Variants in ERC2 observed in about 807,000 individuals in gnomAD.
ERC2 encodes ELKS/RAB6-interacting/CAST family member 2.
Under a neutral mutation model 114.8 loss-of-function variants are expected in ERC2, and 42 were observed. The observed-to-expected ratio is 0.37, with a 90% CI of 0.29 to 0.47. The LOEUF is 0.47. ERC2 is among the 20% of genes least tolerant of loss of function. ERC2 has a pLI of 0.99. For missense variants in ERC2, 939 were observed against 1,150.7 expected (o/e 0.82, Z 2.66); for synonymous variants, 454 against 425.5 (o/e 1.07, Z -0.82).
chr3:55,691,769 G>A (rs2062683255), intron 16 of ERC2, among the ~76,000 whole-genome samples: 1 of 151,538 alleles, frequency 6.6e-6, no homozygotes, highest in African/African-American at 2.4e-5. Flanking sequence ...GATATACGGT[G>A]TTAATTTTTC....
intron 6 of ERC2, among the ~76,000 whole-genome samples, chr3:56,091,535 C>T (rs890696227): frequency 1.3e-5 from 2 of 152,174 alleles, no homozygotes; most frequent in African/African-American, 4.8e-5. Flanking sequence ...GTCTGATCTA[C>T]ATGTGGATGG....
intron 17 of ERC2, among the ~76,000 whole-genome samples, chr3:55,546,793 G>C (rs2054784479): frequency 6.6e-6 from 1 of 152,186 alleles, no homozygotes; most frequent in South Asian, 2.1e-4. Context: ...CCAGAGAGCT[G>C]TCTCCTCCCC....
chr3:56,222,251 T>C (rs547886531), intron 3 of ERC2, among the ~76,000 whole-genome samples: 12 of 152,332 alleles, frequency 7.9e-5, no homozygotes, highest in African/African-American at 2.9e-4. Context: ...ATTAAAGTTA[T>C]AGATTATATC....
At chr3:55,768,345 G>A (rs550001534) in intron 14 of ERC2, among the ~76,000 whole-genome samples, 54 of 152,252 alleles carry the variant, frequency 3.5e-4, no homozygotes, top group East Asian at 5.8e-4. Context: ...CACATCCATC[G>A]CTCATTCTTC....
chr3:55,653,186 T>C (rs772221912), intron 17 of ERC2, among the ~76,000 whole-genome samples: 146 of 142,842 alleles, frequency 1.0e-3, no homozygotes, highest in Admixed American at 4.2e-3. Flanking sequence ...CCAATATCTC[T>C]CTTGAATTTC....
chr3:56,163,975 T>C (rs957845722), intron 4 of ERC2, among the ~76,000 whole-genome samples: 1 of 152,216 alleles, frequency 6.6e-6, no homozygotes, highest in Admixed American at 6.5e-5. Flanking sequence ...GGCTAAGTAC[T>C]AAGTGTGTTT....
intron 17 of ERC2, among the ~76,000 whole-genome samples, chr3:55,546,588 A>C (rs1192369751): frequency 6.6e-6 from 1 of 152,238 alleles, no homozygotes. Context: ...CAGGCACTAG[A>C]AGCTGTTCAA....
At chr3:55,733,005 T>C (rs1358086785) in intron 15 of ERC2, among the ~76,000 whole-genome samples, 3 of 152,124 alleles carry the variant, frequency 2.0e-5, no homozygotes, top group Admixed American at 6.5e-5. Flanking sequence ...CTTTGGATCA[T>C]GTATGCATCG....
At chr3:55,605,920 T>A (rs1420523384) in intron 17 of ERC2, among the ~76,000 whole-genome samples, 1 of 152,180 alleles carries the variant, frequency 6.6e-6, no homozygotes, top group Non-Finnish European at 1.5e-5. Flanking sequence ...GTACTTATTA[T>A]GCCAAAGCAA....
chr3:55,618,307 G>A (rs2059201874), intron 17 of ERC2, among the ~76,000 whole-genome samples: 1 of 152,118 alleles, frequency 6.6e-6, no homozygotes, highest in African/African-American at 2.4e-5. Context: ...GGGTGAATGG[G>A]CATCACCTCT....
At chr3:56,334,625 T>A (rs2057771234) in intron 2 of ERC2, among the ~76,000 whole-genome samples, 1 of 152,182 alleles carries the variant, frequency 6.6e-6, no homozygotes, top group Non-Finnish European at 1.5e-5. Flanking sequence ...ACTGCTTTGT[T>A]TCCAACAGAC....
intron 7 of ERC2, among the ~76,000 whole-genome samples, chr3:56,075,499 C>A (rs191811223): frequency 6.6e-6 from 1 of 152,280 alleles, no homozygotes; most frequent in Non-Finnish European, 1.5e-5. Flanking sequence ...AAAAAATTCC[C>A]TTTTGCTTAA....
In ERC2 at chr3:55,508,859, G is replaced by A. The variant is rs1216181339; in HGVS notation, c.*2457C>T. 1 of 152,520 alleles carries A rather than the reference G, an allele frequency of 6.6e-6. No homozygotes were observed. Among genetic ancestry groups the A allele is most frequent in the Non-Finnish European group, 1.5e-5 (1 of 68,010 alleles). 9.4% of individuals were successfully genotyped at this position (152,520 alleles called of 1,614,324 possible). A position where few individuals can be genotyped will look rare whatever the true frequency, so the allele number is the denominator to read the frequency against. ...ACAAGCCTGCTTTTGCACAAAGTAA[G>A]ACCAACTTCTCCTAAATGTTAGCCC... On this transcript the variant is annotated 3_prime_UTR_variant, in exon 18 of 18. Coordinates refer to ENST00000288221, the MANE Select transcript of ERC2 (RefSeq NM_015576.3).
chr3:56,121,210 T>C (rs1238537550), intron 6 of ERC2, among the ~76,000 whole-genome samples: 1 of 152,182 alleles, frequency 6.6e-6, no homozygotes, highest in African/African-American at 2.4e-5. Flanking sequence ...TGTATATCTG[T>C]ATGTCTGTAT....
At chr3:55,539,705 G>C (rs563381992) in intron 17 of ERC2, among the ~76,000 whole-genome samples, 1 of 151,848 alleles carries the variant, frequency 6.6e-6, no homozygotes, top group African/African-American at 2.4e-5. Flanking sequence ...GGGATTACAG[G>C]CGTGAGCCAC....
chr3:55,809,669 T>C (rs939723090), intron 14 of ERC2, among the ~76,000 whole-genome samples: 4 of 152,196 alleles, frequency 2.6e-5, no homozygotes, highest in Admixed American at 2.6e-4. Flanking sequence ...CCAGCACTTT[T>C]GCAGGGCCAT....
chr3:55,631,992 T>G (rs547385118), intron 17 of ERC2, among the ~76,000 whole-genome samples: 174 of 152,344 alleles, frequency 1.1e-3, no homozygotes, highest in African/African-American at 4.0e-3. Flanking sequence ...TTAAGTCCTT[T>G]GCCCAAGGTC....
intron 12 of ERC2, among the ~76,000 whole-genome samples, chr3:55,965,503 T>C (rs1366491421): frequency 6.6e-6 from 1 of 152,254 alleles, no homozygotes; most frequent in East Asian, 1.9e-4. Context: ...CTTTGTTTTA[T>C]TTTTGTGTTT....
chr3:56,134,211 G>A lies in ERC2; in HGVS notation c.1473+5298C>T, dbSNP rs192347181. ...GGGAGCGAAATATCTATTTCTTCGT[G>A]TCTTCTTTCCTTCCTTTACTTATCT... On this transcript the variant is annotated intron_variant, in intron 6 of 17. Coordinates refer to ENST00000288221, the MANE Select transcript of ERC2 (RefSeq NM_015576.3). 3.8e-4 allele frequency among the ~76,000 whole-genome samples: 58 copies of A among 152,292 alleles called. 1 individual carries two copies. In the East Asian group the frequency reaches 0.01, roughly 26 times the overall value.
Sources: gnomAD v4.1 joint callset for allele counts (sites outside exome capture counted in the v4.1 genomes callset) on GRCh38, gnomAD v4.1.1 for gene constraint, MANE v1.5 for transcripts, NCBI Gene and HGNC (gene_info 2026-07-23, HGNC 2026-07-21) for gene names.